The following FBXO8 variants were observed in gnomAD, a reference collection of about 807,000 sequenced individuals.
FBXO8 encodes F-box protein 8.
Under a neutral mutation model 33.4 loss-of-function variants are expected in FBXO8, and 15 were observed. The ratio of observed to expected loss-of-function variants is 0.45; its 90% CI spans 0.30 to 0.69. The LOEUF (loss-of-function observed/expected upper bound fraction) is 0.69, where lower values mean the gene tolerates loss of function less well. FBXO8 is among the 30% of genes least tolerant of loss of function. The pLI is 0.08. For missense variants in FBXO8, 274 were observed against 380.3 expected, an observed-to-expected ratio of 0.72 and a Z score of 2.32; for synonymous variants, 132 against 131.5, an observed-to-expected ratio of 1.00 and a Z score of -0.02.
chr4:174,275,939 G>A lies in FBXO8; in HGVS notation c.-9+7471C>T, dbSNP rs964591597. On this transcript the variant is annotated intron_variant, in intron 1 of 5. Coordinates refer to ENST00000393674, the MANE Select transcript of FBXO8 (RefSeq NM_012180.3). The surrounding 1 kb of genome is among the most constrained non-coding windows in gnomAD (Gnocchi z 4.4). ...ACAAATGCAAAAAGGATCGATATTT[G>A]TGTAACTCTTAGTCTAATAAAAAAG... Among the ~76,000 whole-genome samples, 25 of 152,058 alleles carry A rather than the reference G, an allele frequency of 1.6e-4. No homozygotes were observed. The highest frequency in any genetic ancestry group is 2.1e-4 in the South Asian group (1 of 4,824).
rs1228723985 is a variant in FBXO8, at chr4:174,270,798, T to C, written c.-8-7698A>G. Among the ~76,000 whole-genome samples, 2 of 152,116 alleles carry C rather than the reference T, an allele frequency of 1.3e-5. No homozygotes were observed. Among genetic ancestry groups the C allele is most frequent in the Non-Finnish European group, 2.9e-5 (2 of 68,014 alleles). On this transcript the variant is annotated intron_variant, in intron 1 of 5. Transcript: ENST00000393674. The surrounding 1 kb of genome is among the most constrained non-coding windows in gnomAD (Gnocchi z 4.6). ...GCCTGGCTAATTTTTGTATTTTTAGTAGAGACGGAGTTTCACCATGTTGGC... is the reference window on the plus strand; with the variant it reads ...GCCTGGCTAATTTTTGTATTTTTAGCAGAGACGGAGTTTCACCATGTTGGC...
intron 1 of FBXO8, among the ~76,000 whole-genome samples, chr4:174,282,044 AAAT>A (rs1388644123): frequency 6.6e-6 from 1 of 152,236 alleles, no homozygotes; most frequent in Non-Finnish European, 1.5e-5. Flanking sequence ...GCAGTTGGTT[AAAT>A]AATAAACCAT....
intron 1 of FBXO8, among the ~76,000 whole-genome samples, chr4:174,268,611 ATT>A (rs11326297): frequency 1.3e-5 from 2 of 151,438 alleles, no homozygotes; most frequent in South Asian, 2.1e-4. Flanking sequence ...AATTTTTTGT[ATT>A]TTTTAGTAGA....
At chr4:174,243,040 C>T (rs934187783) in intron 3 of FBXO8, among the ~76,000 whole-genome samples, 17 of 151,480 alleles carry the variant, frequency 1.1e-4, no homozygotes, top group African/African-American at 3.4e-4. Flanking sequence ...TAATAGTATA[C>T]ATTAATGATA....
In FBXO8 at chr4:174,241,643, G is replaced by A. The variant is rs193134967; in HGVS notation, c.457-425C>T. Among the ~76,000 whole-genome samples, 1,078 of 149,516 alleles carry A rather than the reference G, an allele frequency of 7.2e-3. 10 individuals are homozygous for A. The highest frequency in any genetic ancestry group is 0.011 in the Non-Finnish European group (704 of 66,538). On this transcript the variant is annotated intron_variant, in intron 3 of 5. Coordinates refer to ENST00000393674, the MANE Select transcript of FBXO8 (RefSeq NM_012180.3). The surrounding 1 kb of genome is among the most constrained non-coding windows in gnomAD (Gnocchi z 4.2). ...TTGCAGTATGCCTTTCAAGGAAAGA[G>A]CTTCTTGATAAAAAAATGCTCCAAA... is the stretch of plus-strand genomic sequence containing the variant.
rs758453179 is a variant in FBXO8, at chr4:174,266,251, T to A, written c.-8-3151A>T. ...AGCCAGCAGCTGGTTCTTTAAAAAA[T>A]AATAATAATAATAATGGGGAGGTTG... is the stretch of plus-strand genomic sequence containing the variant. On this transcript the variant is annotated intron_variant, in intron 1 of 5. Coordinates refer to ENST00000393674, the MANE Select transcript of FBXO8 (RefSeq NM_012180.3). Among the ~76,000 whole-genome samples the A allele has an allele frequency of 2.8e-4, 42 of 151,990 alleles. 1 individual carries two copies. The highest frequency in any genetic ancestry group is 4.1e-4 in the Non-Finnish European group (28 of 67,928).
In FBXO8 at chr4:174,275,186, C is replaced by A. The variant is rs748253662; in HGVS notation, c.-9+8224G>T. The stretch of plus-strand genomic sequence containing the variant: ...AGGATATACAAATGGCAAATAAGCA[C>A]ATGGTAAGATGGTCAACATCATTAG... On this transcript the variant is annotated intron_variant, in intron 1 of 5. Coordinates refer to ENST00000393674, the MANE Select transcript of FBXO8 (RefSeq NM_012180.3). This position sits in a 1 kb window ranked among gnomAD's most constrained non-coding sequence, Gnocchi z 4.4. Among the ~76,000 whole-genome samples, 2 of 152,122 alleles carry A rather than the reference C, an allele frequency of 1.3e-5. No individual in the cohort carries two copies. Among genetic ancestry groups the A allele is most frequent in the Non-Finnish European group, 2.9e-5 (2 of 68,020 alleles).
intron 1 of FBXO8, among the ~76,000 whole-genome samples, chr4:174,280,310 T>C (rs1222405467): frequency 6.6e-6 from 1 of 151,798 alleles, no homozygotes; most frequent in East Asian, 1.9e-4. Flanking sequence ...CCCATTAAGA[T>C]AGTTACTATC....
In FBXO8 at chr4:174,247,577, G is replaced by A. The variant is rs1437957905; in HGVS notation, c.457-6359C>T. 6.6e-6 allele frequency among the ~76,000 whole-genome samples: 1 copy of A among 151,848 alleles called. No individual in the cohort carries two copies. On this transcript the variant is annotated intron_variant, in intron 3 of 5. Coordinates refer to ENST00000393674, the MANE Select transcript of FBXO8 (RefSeq NM_012180.3). The surrounding 1 kb of genome is among the most constrained non-coding windows in gnomAD (Gnocchi z 4.6). ...AGATTTCTAACTTTTCTTTCAACAT[G>A]ATAACCAATATATTATTTTTCAAGT...
At position 174,236,754 on chromosome 4, in the gene FBXO8, G is replaced by A. The variant is rs911656879; in HGVS notation, c.*658C>T. The A allele has an allele frequency of 1.3e-5, 2 of 151,724 alleles. No homozygotes were observed. The highest frequency in any genetic ancestry group is 2.9e-5 in the Non-Finnish European group (2 of 67,930). The allele number at this position is 151,724 out of a possible 1,614,324, so 9.4% of individuals were successfully genotyped here. On this transcript the variant is annotated 3_prime_UTR_variant, in exon 6 of 6. Transcript: ENST00000393674. ...TCCTAAATGGTTTAAAGGACTTACC[G>A]AGACTTGATTAACCCAGTTTTTAAA... is the stretch of plus-strand genomic sequence containing the variant.
chr4:174,244,984 C>T (rs930843999), intron 3 of FBXO8, among the ~76,000 whole-genome samples: 3 of 151,632 alleles, frequency 2.0e-5, no homozygotes, highest in African/African-American at 4.8e-5. Context: ...TATATCTGTG[C>T]ATATTTACAT....
Position 174,267,772 on chromosome 4 carries a change from CATA to C in FBXO8, c.-8-4675_-8-4673del, listed in dbSNP as rs1377586372. On this transcript the variant is annotated intron_variant, in intron 1 of 5. Coordinates refer to ENST00000393674, the MANE Select transcript of FBXO8 (RefSeq NM_012180.3). The surrounding 1 kb of genome is among the most constrained non-coding windows in gnomAD (Gnocchi z 4.7). Reference sequence around the variant, plus strand: ...TGGTATAAAGATTTTAAAACTGAAACATAATATTATAAAAGATATATTACTGTC... The same window carrying C: ...TGGTATAAAGATTTTAAAACTGAAACATATTATAAAAGATATATTACTGTC... Among the ~76,000 whole-genome samples the C allele has an allele frequency of 6.6e-6, 1 of 151,980 alleles. No individual in the cohort carries two copies. Among genetic ancestry groups the C allele is most frequent in the Non-Finnish European group, 1.5e-5 (1 of 67,972 alleles).
Position 174,241,078 on chromosome 4 carries a change from A to C in FBXO8, c.575+22T>G, listed in dbSNP as rs1169630650. On this transcript the variant is annotated intron_variant, in intron 4 of 5. Transcript: ENST00000393674. This position sits in a 1 kb window ranked among gnomAD's most constrained non-coding sequence, Gnocchi z 4.2. ...AACATTACTTAACTCATTTTGGATGAAAAGTTAATTTTCGTTTTTACCTTT... is the reference window on the plus strand; with the variant it reads ...AACATTACTTAACTCATTTTGGATGCAAAGTTAATTTTCGTTTTTACCTTT... The C allele has an allele frequency of 2.1e-6, 3 of 1,413,934 alleles. No individual in the cohort carries two copies. In the Admixed American group the frequency reaches 5.2e-5, roughly 25 times the overall value. The allele number at this position is 1,413,934 out of a possible 1,614,324, so 87.6% of individuals were successfully genotyped here. A position where few individuals can be genotyped will look rare whatever the true frequency, so the allele number is the denominator to read the frequency against.
intron 3 of FBXO8, among the ~76,000 whole-genome samples, chr4:174,258,282 A>C (rs1736463485): frequency 6.6e-6 from 1 of 152,166 alleles, no homozygotes; most frequent in South Asian, 2.1e-4. Context: ...AGGTGAAAAC[A>C]AGTATATTTT....
At chr4:174,243,079 C>T (rs1224478517) in intron 3 of FBXO8, among the ~76,000 whole-genome samples, 1 of 151,390 alleles carries the variant, frequency 6.6e-6, no homozygotes, top group Non-Finnish European at 1.5e-5. Flanking sequence ...TAATCTATGC[C>T]ACTTTAATAT....
chr4:174,258,197 T>C (rs984007114), intron 3 of FBXO8, among the ~76,000 whole-genome samples: 4 of 152,094 alleles, frequency 2.6e-5, no homozygotes, highest in African/African-American at 9.7e-5. Context: ...TATGCCACAG[T>C]GCAGGATAAA....
At chr4:174,238,856 C>A in intron 5 of FBXO8, 138 bp downstream of exon 5, 1 of 531,350 alleles carries the variant, frequency 1.9e-6, no homozygotes, top group Admixed American at 4.1e-5. Flanking sequence ...AGTAGTCAGT[C>A]ACTGCTACAA....
Position 174,262,772 on chromosome 4 carries a change from G to C in FBXO8, c.321C>G (p.Leu107=). ...VWQDLANDEL[L]WQGLCKSTWG... ...TGGTGGGTTTAACTTACCCTTGCCA[G>C]AGAAGTTCATCATTCGCAAGGTCCT... Residue 107 remains leucine, a synonymous_variant, in exon 2 of 6, where the codon CTC becomes CTG. Transcript: ENST00000393674. This position sits in a 1 kb window ranked among gnomAD's most constrained non-coding sequence, Gnocchi z 4.6. 6.2e-7 allele frequency: 1 copy of C among 1,613,162 alleles called. No individual in the cohort carries two copies. The highest frequency in any genetic ancestry group is 8.5e-7 in the Non-Finnish European group (1 of 1,179,296).
Position 174,252,506 on chromosome 4 carries a change from A to G in FBXO8, c.456+7193T>C, listed in dbSNP as rs925897933. Among the ~76,000 whole-genome samples, 2 of 152,126 alleles carry G rather than the reference A, an allele frequency of 1.3e-5. No homozygotes were observed. The highest frequency in any genetic ancestry group is 4.8e-5 in the African/African-American group (2 of 41,430). Reference sequence around the variant, plus strand: ...GCTCACAGATAGCATCACAGACCCAATTCTTTCTTTCCAGTCTGCTATTCT... The same window carrying G: ...GCTCACAGATAGCATCACAGACCCAGTTCTTTCTTTCCAGTCTGCTATTCT... On this transcript the variant is annotated intron_variant, in intron 3 of 5. Coordinates refer to ENST00000393674, the MANE Select transcript of FBXO8 (RefSeq NM_012180.3). This position sits in a 1 kb window ranked among gnomAD's most constrained non-coding sequence, Gnocchi z 5.1.
Sources: gnomAD v4.1 joint callset for allele counts (sites outside exome capture counted in the v4.1 genomes callset) on GRCh38, gnomAD v4.1.1 for gene constraint, Gnocchi (gnomAD v3.1) non-coding constraint, MANE v1.5 for transcripts, NCBI Gene and HGNC (gene_info 2026-07-23, HGNC 2026-07-21) for gene names.